WDR11: variants seen among roughly 807,000 people sequenced by gnomAD.
WDR11 encodes WD repeat domain 11.
WDR11 carries 83 observed loss-of-function variants against 151.2 expected under a neutral mutation model. That is an observed-to-expected ratio of 0.55 (90% CI 0.46 to 0.66). The LOEUF (loss-of-function observed/expected upper bound fraction) is 0.66, where lower values mean the gene tolerates loss of function less well. Ranked by LOEUF, WDR11 falls within the 30% of genes least tolerant of loss-of-function variation. The probability of loss-of-function intolerance (pLI) is 0.00; values close to 1 mark genes in which losing one functional copy is unlikely to be tolerated. For synonymous variants in WDR11, 484 were observed against 533.1 expected (o/e 0.91, Z 1.27); for missense variants, 1,301 against 1,480.9 (o/e 0.88, Z 1.99).
chr10:120,870,295 A>G (rs969962757), intron 9 of WDR11, among the ~76,000 whole-genome samples: 4 of 152,176 alleles, frequency 2.6e-5, no homozygotes, highest in Non-Finnish European at 4.4e-5. Flanking sequence ...CTTTCACACT[A>G]TATACATGTT....
intron 1 of WDR11, chr10:120,852,246 A>T: frequency 2.5e-6 from 1 of 406,006 alleles, no homozygotes; most frequent in East Asian, 5.4e-5. Context: ...CTACAAGAAC[A>T]GTCAGAGGGC....
At position 120,900,120 on chromosome 10, in the gene WDR11, T is replaced by A; in HGVS notation, c.2607T>A (p.Ser869=). The A allele has an allele frequency of 1.9e-6, 3 of 1,613,170 alleles. No individual in the cohort carries two copies. Among genetic ancestry groups the A allele is most frequent in the Non-Finnish European group, 2.5e-6 (3 of 1,179,084 alleles). ...LLHQPWNGQY[S]LDISHVDYPE... ...ACCAGCCTTGGAATGGACAGTATTC[T>A]TTGGACATTTCTCATGTGTAAGTTT... is the stretch of plus-strand genomic sequence containing the variant. Residue 869 remains serine, a synonymous_variant, in exon 20 of 29, where the codon TCT becomes TCA. Transcript: ENST00000263461.
At chr10:120,892,088 G>A (rs1847447170) in intron 19 of WDR11, among the ~76,000 whole-genome samples, 2 of 152,150 alleles carry the variant, frequency 1.3e-5, no homozygotes, top group Admixed American at 6.5e-5. Flanking sequence ...AAAGAAGTGT[G>A]GAACTGCTAT....
intron 17 of WDR11, chr10:120,889,385 C>A: frequency 1.9e-6 from 1 of 525,236 alleles, no homozygotes. Flanking sequence ...CTACAGGCAC[C>A]CACCACCACG....
Position 120,903,088 on chromosome 10 carries a change from G to T in WDR11, c.2787G>T (p.Trp929Cys). 1.2e-6 allele frequency: 2 copies of T among 1,614,110 alleles called. No homozygotes were observed. The highest frequency in any genetic ancestry group is 1.7e-6 in the Non-Finnish European group (2 of 1,180,024). The change falls in exon 23 of 29, where the codon TGG becomes TGT. Residue 929 changes from tryptophan (W) to cysteine (C), a missense_variant. By Grantham distance (215) the Trp-to-Cys change is radical. This residue lies in a region of WDR11 where 589 missense variants were observed against 670.6 expected (regional missense o/e 0.88). Transcript: ENST00000263461. ...GTGATGAATCGGAGCTGCACTTCTGGACTGTCGCTGCCCACTACCTGCACA... is the reference window on the plus strand; with the variant it reads ...GTGATGAATCGGAGCTGCACTTCTGTACTGTCGCTGCCCACTACCTGCACA... ...LYGDESELHFWTVAAHYLHSL... is the reference protein window; with the variant it reads ...LYGDESELHFCTVAAHYLHSL...
chr10:120,904,931 AT>A, intron 25 of WDR11, 120 bp downstream of exon 25: 2 of 1,164,414 alleles, frequency 1.7e-6, no homozygotes, highest in South Asian at 2.6e-5. Context: ...AAATAGAAAA[AT>A]TATTGCTACC....
At chr10:120,896,211 G>A (rs946485281) in intron 19 of WDR11, among the ~76,000 whole-genome samples, 1 of 152,130 alleles carries the variant, frequency 6.6e-6, no homozygotes, top group Non-Finnish European at 1.5e-5. Context: ...AGCACGTATA[G>A]CCTGCTTGTG....
intron 11 of WDR11, among the ~76,000 whole-genome samples, chr10:120,874,830 G>A (rs1846704652): frequency 6.6e-6 from 1 of 150,474 alleles, no homozygotes; most frequent in African/African-American, 2.5e-5. Flanking sequence ...TAAGTTCTGG[G>A]ATACATGTGC....
Position 120,860,238 on chromosome 10 carries a change from T to G in WDR11, c.482T>G (p.Ile161Ser), listed in dbSNP as rs776649763. The G allele has an allele frequency of 6.8e-6, 11 of 1,614,176 alleles. 1 individual carries two copies. In the South Asian group the frequency reaches 1.1e-4, roughly 16 times the overall value. The change falls in exon 4 of 29, where the codon ATT becomes AGT. Residue 161 changes from isoleucine (I) to serine (S), a missense_variant. Ile to Ser is a moderately radical substitution (Grantham distance 142, BLOSUM62 -2). Around this residue, in one of 3 missense-constraint regions of WDR11, gnomAD observed 692 missense variants for 762.5 expected, o/e 0.91. Transcript: ENST00000263461. ...KLWKKSYADN[I>S]LSFSFDPFDP... ...TGGAAGAAGAGCTATGCAGATAACATTCTTTCTTTTTCTTTTGACCCTTTT... is the reference window on the plus strand; with the variant it reads ...TGGAAGAAGAGCTATGCAGATAACAGTCTTTCTTTTTCTTTTGACCCTTTT...
At chr10:120,865,420 T>C (rs1846278464) in intron 6 of WDR11, among the ~76,000 whole-genome samples, 1 of 152,196 alleles carries the variant, frequency 6.6e-6, no homozygotes, top group South Asian at 2.1e-4. Flanking sequence ...GATCCTGAGA[T>C]ATTTATTGAA....
chr10:120,867,229 A>G (rs1050349218), intron 9 of WDR11, 60 bp downstream of exon 9: 3 of 1,167,140 alleles, frequency 2.6e-6, no homozygotes, highest in Admixed American at 3.4e-5. Context: ...CAAAATTAAT[A>G]GAATCACTCA....
chr10:120,887,936 T>TG (rs34823806), intron 16 of WDR11, among the ~76,000 whole-genome samples: 88,535 of 151,714 alleles, frequency 0.58, 25,864 homozygotes, highest in Admixed American at 0.61. Context: ...TTCTTTAATA[T>TG]TTTTTTTTAT....
At chr10:120,908,377 G>T (rs1258022577) in intron 28 of WDR11, 179 bp from the exon 29 acceptor site, 6 of 662,234 alleles carry the variant, frequency 9.1e-6, no homozygotes, top group Admixed American at 2.2e-5. Context: ...ACTATGGCCG[G>T]GAATCACCCT....
intron 19 of WDR11, among the ~76,000 whole-genome samples, chr10:120,892,932 G>A (rs888806121): frequency 6.6e-6 from 1 of 151,730 alleles, no homozygotes; most frequent in African/African-American, 2.4e-5. Context: ...CTGGTATCAT[G>A]CAGTTTCCAC....
intron 3 of WDR11, among the ~76,000 whole-genome samples, chr10:120,859,469 A>G (rs1182662803): frequency 2.0e-5 from 3 of 151,740 alleles, no homozygotes; most frequent in Admixed American, 6.6e-5. Context: ...GGGTTTTACC[A>G]TGTTAGCCAG....
intron 4 of WDR11, among the ~76,000 whole-genome samples, chr10:120,862,127 G>T (rs905932094): frequency 8.6e-5 from 12 of 140,256 alleles, no homozygotes; most frequent in African/African-American, 3.0e-4. Flanking sequence ...TTGTTTGTTT[G>T]TTTTTTGTTT....
At chr10:120,874,717 A>G (rs902416954) in intron 11 of WDR11, among the ~76,000 whole-genome samples, 4 of 151,928 alleles carry the variant, frequency 2.6e-5, no homozygotes, top group African/African-American at 9.7e-5. Flanking sequence ...AGCTCCATCC[A>G]TATCCCTGCA....
rs771112671 is a variant in WDR11 at position 120,878,474 on chromosome 10, A to C, written c.1663+15A>C. On this transcript the variant is annotated intron_variant, in intron 12 of 28. Transcript: ENST00000263461. The stretch of plus-strand genomic sequence containing the variant: ...TCTTCCAACAGGTTTGTTTTTAAAG[A>C]TCCAAATAGGTTTGTCATATTGAAT... 6.3e-7 allele frequency: 1 copy of C among 1,589,220 alleles called. No homozygotes were observed. The highest frequency in any genetic ancestry group is 2.2e-5 in the East Asian group (1 of 44,602).
rs73368157 is a variant in WDR11 at position 120,861,478 on chromosome 10, A to T, written c.526+1196A>T. 9.0e-3 allele frequency among the ~76,000 whole-genome samples: 1,367 copies of T among 152,320 alleles called. 20 individuals carry two copies. The highest frequency in any genetic ancestry group is 0.031 in the African/African-American group (1,309 of 41,564). ...GTTGGCAGAGTCAGGGAAGGAGGGC[A>T]TCACAAAAGAAGGAAGCAAAGGGGA... On this transcript the variant is annotated intron_variant, in intron 4 of 28. Coordinates refer to ENST00000263461, the MANE Select transcript of WDR11 (RefSeq NM_018117.12).
Sources: gnomAD v4.1 joint callset for allele counts (sites outside exome capture counted in the v4.1 genomes callset) on GRCh38, gnomAD v4.1.1 for gene constraint, gnomAD v4.1.1 regional missense constraint, MANE v1.5 for transcripts, NCBI Gene and HGNC (gene_info 2026-07-23, HGNC 2026-07-21) for gene names.